TYW5: variants seen among roughly 807,000 people sequenced by gnomAD.
The protein encoded by TYW5 is tRNA-yW synthesizing protein 5, also known as tRNA wybutosine-synthesizing protein 5.
In TYW5, 36 loss-of-function variants were observed where a neutral mutation model predicts 44.4. That is an observed-to-expected ratio of 0.81 (90% CI 0.62 to 1.07). TYW5 has a LOEUF of 1.07. Among genes scored for constraint, TYW5 ranks in the 50% least tolerant of loss-of-function variants. TYW5 has a pLI of 0.00. For missense variants in TYW5, 354 were observed against 365.7 expected (o/e 0.97, Z 0.26); for synonymous variants, 121 against 128.1 (o/e 0.94, Z 0.37).
chr2:199,953,031 G>C (rs1344499000), intron 1 of TYW5, among the ~76,000 whole-genome samples: 2 of 152,110 alleles, frequency 1.3e-5, no homozygotes, highest in African/African-American at 4.8e-5. Flanking sequence ...GGGTGAAAAT[G>C]ATGTGCCAGG....
chr2:199,953,147 C>A (rs2077559858), intron 1 of TYW5, among the ~76,000 whole-genome samples: 1 of 152,128 alleles, frequency 6.6e-6, no homozygotes, highest in African/African-American at 2.4e-5. Context: ...CATGGCGAAA[C>A]TCCGCCTCTA....
chr2:199,948,100 T>A (rs1442302431), intron 2 of TYW5: 14 of 470,550 alleles, frequency 3.0e-5, no homozygotes, highest in East Asian at 8.1e-5. Flanking sequence ...TCAAAAAAAA[T>A]AAAAAATAAA....
chr2:199,954,407 G>A (rs1020318013), intron 1 of TYW5, among the ~76,000 whole-genome samples: 1 of 151,820 alleles, frequency 6.6e-6, no homozygotes, highest in Admixed American at 6.6e-5. Context: ...CAGCCCATCC[G>A]ACTTTTGTAA....
chr2:199,936,954 T>A (rs993461975), intron 5 of TYW5, among the ~76,000 whole-genome samples: 1 of 152,210 alleles, frequency 6.6e-6, no homozygotes, highest in African/African-American at 2.4e-5. Flanking sequence ...ATTATAGGTA[T>A]CTTGATTTTC....
In TYW5 at chr2:199,932,364, T is replaced by C. The variant is rs1282698408; in HGVS notation, c.*703A>G. ...ATGTTTTTCCTATCAGAACCATGATTTTAAAAAAACTATCCTTTCTGTCCC... is the reference window on the plus strand; with the variant it reads ...ATGTTTTTCCTATCAGAACCATGATCTTAAAAAAACTATCCTTTCTGTCCC... On this transcript the variant is annotated 3_prime_UTR_variant, in exon 8 of 8. Coordinates refer to ENST00000354611, the MANE Select transcript of TYW5 (RefSeq NM_001039693.3). 1 of 152,200 alleles carries C rather than the reference T, an allele frequency of 6.6e-6. No individual in the cohort carries two copies. Among genetic ancestry groups the C allele is most frequent in the Non-Finnish European group, 1.5e-5 (1 of 68,040 alleles). The allele number at this position is 152,200 out of a possible 1,614,324, so 9.4% of individuals were successfully genotyped here. A position where few individuals can be genotyped will look rare whatever the true frequency, so the allele number is the denominator to read the frequency against.
chr2:199,944,494 G>A (rs1163550562), intron 2 of TYW5: 5 of 152,244 alleles, frequency 3.3e-5, no homozygotes, highest in African/African-American at 1.2e-4. Context: ...GAACACTGTG[G>A]AAGCAAAATT....
Position 199,938,864 on chromosome 2 carries a change from A to T in TYW5, c.486+69T>A, listed in dbSNP as rs964674039. 36 of 1,475,582 alleles carry T rather than the reference A, an allele frequency of 2.4e-5. No individual in the cohort carries two copies. The African/African-American group carries it at 4.6e-4, about 19-fold the overall frequency. 91.4% of individuals were successfully genotyped at this position (1,475,582 alleles called of 1,614,324 possible). A position where few individuals can be genotyped will look rare whatever the true frequency, so the allele number is the denominator to read the frequency against. Reference sequence around the variant, plus strand: ...TTAGGGTAACCTATAGGAAGTTGAAACTGTGACTGTTAAATCTATAATGCT... The same window carrying T: ...TTAGGGTAACCTATAGGAAGTTGAATCTGTGACTGTTAAATCTATAATGCT... On this transcript the variant is annotated intron_variant, in intron 5 of 7. Coordinates refer to ENST00000354611, the MANE Select transcript of TYW5 (RefSeq NM_001039693.3).
chr2:199,934,358 T>C (rs2077402927), intron 7 of TYW5, among the ~76,000 whole-genome samples: 1 of 151,908 alleles, frequency 6.6e-6, no homozygotes, highest in African/African-American at 2.4e-5. Context: ...TTTTTTTTTT[T>C]CTTAAAACAA....
At chr2:199,955,367 G>T in intron 1 of TYW5, 26 bp downstream of exon 1, 2 of 1,610,432 alleles carry the variant, frequency 1.2e-6, no homozygotes, top group Non-Finnish European at 1.7e-6. Flanking sequence ...GGTTTCTCGA[G>T]GTTCTGCCCC....
chr2:199,952,620 T>C (rs950716892), intron 1 of TYW5, among the ~76,000 whole-genome samples: 1 of 152,260 alleles, frequency 6.6e-6, no homozygotes, highest in African/African-American at 2.4e-5. Flanking sequence ...TGTATTTGTC[T>C]TTCAAATTTG....
intron 2 of TYW5, chr2:199,946,555 ACT>A (rs1160328022): frequency 6.6e-6 from 1 of 152,286 alleles, no homozygotes; most frequent in African/African-American, 2.4e-5. Flanking sequence ...GACTCTCCTG[ACT>A]CTGAACAATG....
Position 199,936,000 on chromosome 2 carries a change from A to G in TYW5, c.622T>C (p.Tyr208His). 1 of 1,613,314 alleles carries G rather than the reference A, an allele frequency of 6.2e-7. No individual in the cohort carries two copies. The highest frequency in any genetic ancestry group is 8.5e-7 in the Non-Finnish European group (1 of 1,179,516). Reference protein sequence around the residue: ...LNIDNPDLAKYPLFSKARRYE... With the variant: ...LNIDNPDLAKHPLFSKARRYE... ...CTTCTAGCCTTGGAAAAAAGTGGAT[A>G]TTTAGCCAAGTCTGGGTTATCTATA... is the stretch of plus-strand genomic sequence containing the variant. The change falls in exon 7 of 8, where the codon TAT (tyrosine) becomes CAT (histidine). Residue 208 changes from tyrosine (Y) to histidine (H), a missense_variant. Tyr to His is a moderately conservative substitution (Grantham distance 83, BLOSUM62 2). Transcript: ENST00000354611.
At chr2:199,941,352 T>C (rs2105699959) in intron 3 of TYW5, among the ~76,000 whole-genome samples, 2 of 152,316 alleles carry the variant, frequency 1.3e-5, no homozygotes, top group South Asian at 2.1e-4. Flanking sequence ...AAAATTATTA[T>C]TTATCCTTCA....
chr2:199,943,051 T>G (rs1336069528), intron 3 of TYW5: 7 of 152,198 alleles, frequency 4.6e-5, no homozygotes, highest in Admixed American at 4.6e-4. Context: ...AGACTGGGTT[T>G]CTCCATGTTG....
At position 199,935,928 on chromosome 2, in the gene TYW5, T is replaced by C; in HGVS notation, c.691+3A>G. The C allele has an allele frequency of 1.9e-6, 3 of 1,584,972 alleles. No homozygotes were observed. The highest frequency in any genetic ancestry group is 2.6e-6 in the Non-Finnish European group (3 of 1,155,400). On this transcript the variant is annotated splice_donor_region_variant and intron_variant, in intron 7 of 7. Transcript: ENST00000354611. ...GCACATTAGTGAGGTCTAGAAATCT[T>C]ACCAGGAATGAATAATACATCACCA...
rs2077383231 is a variant in TYW5 at position 199,932,143 on chromosome 2, C to T, written c.*924G>A. ...TAATCACAAAACTAATAATCCAAGT[C>T]ACTATCATCAACTCCAGTTGATCTC... On this transcript the variant is annotated 3_prime_UTR_variant, in exon 8 of 8. Transcript: ENST00000354611. 6.6e-6 allele frequency: 1 copy of T among 152,130 alleles called. No individual in the cohort carries two copies. Among genetic ancestry groups the T allele is most frequent in the Non-Finnish European group, 1.5e-5 (1 of 68,024 alleles). The allele number at this position is 152,130 out of a possible 1,614,324, so 9.4% of individuals were successfully genotyped here. A position where few individuals can be genotyped will look rare whatever the true frequency, so the allele number is the denominator to read the frequency against.
intron 3 of TYW5, among the ~76,000 whole-genome samples, chr2:199,941,376 G>C (rs1284731349): frequency 6.6e-6 from 1 of 152,144 alleles, no homozygotes; most frequent in Non-Finnish European, 1.5e-5. Context: ...AGTAACTAGA[G>C]AACTGTTTGA....
At chr2:199,936,351 A>G in intron 6 of TYW5, 54 bp downstream of exon 6, 2 of 1,453,038 alleles carry the variant, frequency 1.4e-6, no homozygotes, top group Non-Finnish European at 1.9e-6. Flanking sequence ...GAGATTTCTC[A>G]AAAAGAGTAA....
At chr2:199,935,743 C>T (rs1456041620) in intron 7 of TYW5, among the ~76,000 whole-genome samples, 188 bp downstream of exon 7, 19 of 146,862 alleles carry the variant, frequency 1.3e-4, no homozygotes, top group Non-Finnish European at 1.2e-4. Flanking sequence ...CACACACACA[C>T]ACACACACAC....
Sources: allele counts gnomAD v4.1 joint callset (sites outside exome capture counted in the v4.1 genomes callset), GRCh38; gene constraint gnomAD v4.1.1; transcripts MANE v1.5; gene names NCBI Gene and HGNC (gene_info 2026-07-23, HGNC 2026-07-21).